CADM2: variants seen among roughly 807,000 people sequenced by gnomAD.
The protein encoded by CADM2 is cell adhesion molecule 2.
CADM2 carries 12 observed loss-of-function variants against 49.8 expected under a neutral mutation model. The ratio of observed to expected loss-of-function variants is 0.24; its 90% CI spans 0.15 to 0.39. The LOEUF (loss-of-function observed/expected upper bound fraction) is 0.39, where lower values mean the gene tolerates loss of function less well. CADM2 is among the 10% of genes least tolerant of loss of function. The pLI is 1.00. For missense variants in CADM2, 378 were observed against 492.3 expected (o/e 0.77, Z 2.20); for synonymous variants, 214 against 175.4 (o/e 1.22, Z -1.74).
chr3:85,817,784 G>A (rs1206771843), intron 3 of CADM2, among the ~76,000 whole-genome samples: 1 of 151,970 alleles, frequency 6.6e-6, no homozygotes, highest in African/African-American at 2.4e-5. Flanking sequence ...CTGCACTCCA[G>A]CGTCGGCGAC....
intron 2 of CADM2, among the ~76,000 whole-genome samples, chr3:85,741,810 A>G (rs2068404285): frequency 6.6e-6 from 1 of 152,260 alleles, no homozygotes; most frequent in Non-Finnish European, 1.5e-5. Flanking sequence ...CACTTAAAAA[A>G]TAAAATTGGA....
At chr3:85,880,715 A>G (rs1422674474) in intron 3 of CADM2, among the ~76,000 whole-genome samples, 1 of 152,084 alleles carries the variant, frequency 6.6e-6, no homozygotes, top group Non-Finnish European at 1.5e-5. Flanking sequence ...TCCTTTCAAG[A>G]AGTTTGTTTA....
At chr3:85,749,055 G>C (rs2068750193) in intron 2 of CADM2, among the ~76,000 whole-genome samples, 1 of 151,784 alleles carries the variant, frequency 6.6e-6, no homozygotes, top group South Asian at 2.1e-4. Context: ...AGAATAACAA[G>C]AGAAATTCAT....
intron 3 of CADM2, among the ~76,000 whole-genome samples, chr3:85,858,392 G>T (rs1360018846): frequency 6.6e-6 from 1 of 152,214 alleles, no homozygotes; most frequent in Admixed American, 6.5e-5. Context: ...AAGCACTTCA[G>T]TGAGAAAACT....
intron 8 of CADM2, among the ~76,000 whole-genome samples, chr3:85,986,013 G>T (rs1728064525): frequency 6.6e-6 from 1 of 151,956 alleles, no homozygotes; most frequent in African/African-American, 2.4e-5. Context: ...AATAAAATAA[G>T]CTAAAGCAAA....
chr3:85,782,033 A>G (rs2070682109), intron 2 of CADM2, among the ~76,000 whole-genome samples: 1 of 152,228 alleles, frequency 6.6e-6, no homozygotes, highest in Non-Finnish European at 1.5e-5. Context: ...GTAATCATGG[A>G]AACAAATGAA....
At chr3:85,372,815 G>A (rs891731920) in intron 1 of CADM2, among the ~76,000 whole-genome samples, 2 of 152,192 alleles carry the variant, frequency 1.3e-5, no homozygotes, top group Non-Finnish European at 2.9e-5. Flanking sequence ...TGGAAGGGAA[G>A]ACTGCGTGTG....
chr3:85,755,005 C>A (rs1309772438), intron 2 of CADM2, among the ~76,000 whole-genome samples: 2 of 152,166 alleles, frequency 1.3e-5, no homozygotes, highest in African/African-American at 4.8e-5. Flanking sequence ...AAACCCAGTT[C>A]TAATAACTTA....
chr3:85,752,071 G>A (rs1262876771), intron 2 of CADM2, among the ~76,000 whole-genome samples: 2 of 144,238 alleles, frequency 1.4e-5, no homozygotes, highest in African/African-American at 5.3e-5. Context: ...ATAGTGTATA[G>A]GAAAAGAAAC....
chr3:85,922,273 ATTG>A (rs1212822596), intron 6 of CADM2, among the ~76,000 whole-genome samples: 2 of 150,856 alleles, frequency 1.3e-5, no homozygotes, highest in East Asian at 3.9e-4. Context: ...GTAATTATAA[ATTG>A]TTGTAATTTT....
intron 1 of CADM2, among the ~76,000 whole-genome samples, chr3:85,529,894 C>T (rs546750964): frequency 2.8e-4 from 42 of 152,118 alleles, no homozygotes; most frequent in Non-Finnish European, 5.6e-4. Flanking sequence ...TTAAATCCCT[C>T]TCTTATTTTT....
intron 1 of CADM2, among the ~76,000 whole-genome samples, chr3:85,264,770 G>A (rs1478121775): frequency 6.6e-6 from 1 of 151,970 alleles, no homozygotes; most frequent in Non-Finnish European, 1.5e-5. Context: ...AAGTTATGAG[G>A]TTGGAGTATG....
chr3:85,744,737 TGAA>T (rs2068542746), intron 2 of CADM2, among the ~76,000 whole-genome samples: 1 of 151,624 alleles, frequency 6.6e-6, no homozygotes, highest in Admixed American at 6.6e-5. Context: ...CTGGAATGGG[TGAA>T]GAAGATGGAG....
chr3:85,473,727 C>A (rs1020497405), intron 1 of CADM2, among the ~76,000 whole-genome samples: 5 of 152,024 alleles, frequency 3.3e-5, no homozygotes, highest in African/African-American at 1.2e-4. Flanking sequence ...ATAATTTATA[C>A]CGATTTTTAT....
At chr3:86,019,613 C>T (rs1362710610) in intron 8 of CADM2, among the ~76,000 whole-genome samples, 4 of 151,308 alleles carry the variant, frequency 2.6e-5, no homozygotes, top group African/African-American at 9.7e-5. Flanking sequence ...AAGTTGGATT[C>T]CTAGGTATTT....
chr3:85,192,763 A>G (rs1001904179), intron 1 of CADM2, among the ~76,000 whole-genome samples: 1 of 152,064 alleles, frequency 6.6e-6, no homozygotes, highest in Non-Finnish European at 1.5e-5. Flanking sequence ...GAGCAAGAGA[A>G]AAGGTGTAAC....
intron 1 of CADM2, among the ~76,000 whole-genome samples, chr3:85,295,732 T>C (rs574381895): frequency 1.6e-4 from 25 of 151,638 alleles, no homozygotes; most frequent in African/African-American, 5.3e-4. Flanking sequence ...AACAATTAGA[T>C]CACATGGACA....
chr3:85,427,200 A>ATATT lies in CADM2; in HGVS notation c.62-299321_62-299320insATTT, dbSNP rs1491378560. ...TATATATATATATATATATATATATATGTATAATAAGTTTGTAGCTACCAT... is the reference window on the plus strand; with the variant it reads ...TATATATATATATATATATATATATATATTTGTATAATAAGTTTGTAGCTACCAT... On this transcript the variant is annotated intron_variant, in intron 1 of 9. Transcript: ENST00000383699. 2.8e-3 allele frequency among the ~76,000 whole-genome samples: 354 copies of ATATT among 126,568 alleles called. 1 individual carries two copies. The highest frequency in any genetic ancestry group is 0.017 in the South Asian group (65 of 3,746). The allele number at this position is 126,568 out of a possible 152,430, so 83.0% of individuals were successfully genotyped here. A position where few individuals can be genotyped will look rare whatever the true frequency, so the allele number is the denominator to read the frequency against.
chr3:85,783,506 G>A (rs1373173553), intron 2 of CADM2, among the ~76,000 whole-genome samples: 1 of 152,148 alleles, frequency 6.6e-6, no homozygotes, highest in East Asian at 1.9e-4. Context: ...GGATTCATCA[G>A]CAGCTTGCTG....
Sources: allele counts gnomAD v4.1 joint callset (sites outside exome capture counted in the v4.1 genomes callset), GRCh38; gene constraint gnomAD v4.1.1; transcripts MANE v1.5; gene names NCBI Gene and HGNC (gene_info 2026-07-23, HGNC 2026-07-21).